The following EPS8 variants were observed in gnomAD, a reference collection of about 807,000 sequenced individuals.
The protein encoded by EPS8 is epidermal growth factor receptor kinase substrate 8.
In EPS8, 42 loss-of-function variants were observed where a neutral mutation model predicts 103.8. The ratio of observed to expected loss-of-function variants is 0.40; its 90% confidence interval spans 0.32 to 0.52. The LOEUF is 0.52. Among genes scored for constraint, EPS8 ranks in the 20% least tolerant of loss-of-function variants. The pLI, the probability that EPS8 is intolerant of heterozygous loss-of-function variation, is 0.40. For synonymous variants in EPS8, 344 were observed against 344.6 expected, an observed-to-expected ratio of 1.00 and a Z score of 0.02; for missense variants, 969 against 1,005.1, an observed-to-expected ratio of 0.96 and a Z score of 0.49.
rs1947166593 is a variant in EPS8, at chr12:15,772,684, CATCT to C, written c.-22+16473_-22+16476del. 6.6e-6 allele frequency among the ~76,000 whole-genome samples: 1 copy of C among 152,156 alleles called. No homozygotes were observed. Among genetic ancestry groups the C allele is most frequent in the African/African-American group, 2.4e-5 (1 of 41,448 alleles). ...CCAAGTAGCAGAGCTTCTGAATCAACATCTAAGTGTAGATGGGTAACAAAGCAGA... is the reference window on the plus strand; with the variant it reads ...CCAAGTAGCAGAGCTTCTGAATCAACAAGTGTAGATGGGTAACAAAGCAGA... On this transcript the variant is annotated intron_variant, in intron 1 of 20. Transcript: ENST00000281172. The surrounding 1 kb of genome is among the most constrained non-coding windows in gnomAD (Gnocchi z 5.0).
chr12:15,623,606 G>C (rs1944896443), intron 19 of EPS8, among the ~76,000 whole-genome samples: 1 of 152,182 alleles, frequency 6.6e-6, no homozygotes, highest in Non-Finnish European at 1.5e-5. Flanking sequence ...CCTGGCAATT[G>C]ACTAACCATT....
rs141603816 is a variant in EPS8 at position 15,695,907 on chromosome 12, G to A, written c.-21-12935C>T. ...GGAGAATCACTTGAGCCCAGGAGGC[G>A]GAGGTTGCAAAAAGAATAAATATGA... On this transcript the variant is annotated intron_variant, in intron 1 of 20. Coordinates refer to ENST00000281172, the MANE Select transcript of EPS8 (RefSeq NM_004447.6). This position sits in a 1 kb window ranked among gnomAD's most constrained non-coding sequence, Gnocchi z 5.0. Among the ~76,000 whole-genome samples, 56 of 152,222 alleles carry A rather than the reference G, an allele frequency of 3.7e-4. 1 individual carries two copies. The East Asian group carries it at 5.4e-3, about 15-fold the overall frequency.
At chr12:15,758,927 T>TA (rs1947014596) in intron 1 of EPS8, among the ~76,000 whole-genome samples, 1 of 152,148 alleles carries the variant, frequency 6.6e-6, no homozygotes, top group East Asian at 1.9e-4. Flanking sequence ...TCAAATACTG[T>TA]AAAATGCTAA....
chr12:15,750,727 A>G (rs573673561), intron 1 of EPS8, among the ~76,000 whole-genome samples: 2 of 152,334 alleles, frequency 1.3e-5, no homozygotes, highest in Admixed American at 6.5e-5. Flanking sequence ...GCTATTATTT[A>G]TATGATACTG....
At chr12:15,672,937 G>A (rs992415117) in intron 3 of EPS8, among the ~76,000 whole-genome samples, 1 of 152,122 alleles carries the variant, frequency 6.6e-6, no homozygotes, top group Admixed American at 6.5e-5. Flanking sequence ...ATGTTCAAAT[G>A]CTTTGTCTTT....
intron 7 of EPS8, among the ~76,000 whole-genome samples, 198 bp from the exon 8 acceptor site, chr12:15,666,090 G>C (rs1945704199): frequency 2.0e-5 from 3 of 152,166 alleles, no homozygotes; most frequent in Admixed American, 2.0e-4. Context: ...TGAAAACTAG[G>C]TTGATTTTCC....
chr12:15,752,173 C>T lies in EPS8; in HGVS notation c.-22+36988G>A, dbSNP rs981582430. Among the ~76,000 whole-genome samples the T allele has an allele frequency of 6.6e-6, 1 of 152,134 alleles. No homozygotes were observed. Among genetic ancestry groups the T allele is most frequent in the African/African-American group, 2.4e-5 (1 of 41,434 alleles). On this transcript the variant is annotated intron_variant, in intron 1 of 20. Coordinates refer to ENST00000281172, the MANE Select transcript of EPS8 (RefSeq NM_004447.6). The surrounding 1 kb of genome is among the most constrained non-coding windows in gnomAD (Gnocchi z 4.4). ...GCTATTAAAATTCCCCTAGGCCGGG[C>T]GTGGTGGCTCACGCCTGTAATCCCA...
chr12:15,734,477 G>C lies in EPS8; in HGVS notation c.-21-51505C>G, dbSNP rs952800120. ...TGGGAGGCTGAGGCGGGTGGATCAC[G>C]AGGTCAGGAGATCGAGACCATCCTG... On this transcript the variant is annotated intron_variant, in intron 1 of 20. Coordinates refer to ENST00000281172, the MANE Select transcript of EPS8 (RefSeq NM_004447.6). The surrounding 1 kb of genome is among the most constrained non-coding windows in gnomAD (Gnocchi z 4.1). Among the ~76,000 whole-genome samples the C allele has an allele frequency of 6.6e-6, 1 of 152,044 alleles. No homozygotes were observed. Among genetic ancestry groups the C allele is most frequent in the African/African-American group, 2.4e-5 (1 of 41,404 alleles).
chr12:15,746,267 T>C (rs1565528130), intron 1 of EPS8, among the ~76,000 whole-genome samples: 1 of 152,176 alleles, frequency 6.6e-6, no homozygotes, highest in Non-Finnish European at 1.5e-5. Flanking sequence ...CTGCTAAATA[T>C]AATTTAACAC....
intron 7 of EPS8, among the ~76,000 whole-genome samples, chr12:15,666,131 T>C (rs1378528464): frequency 1.3e-5 from 2 of 152,222 alleles, no homozygotes; most frequent in Non-Finnish European, 2.9e-5. Flanking sequence ...GAAAGGGCCA[T>C]GGAACAATTA....
chr12:15,638,918 G>A (rs1486411013), intron 17 of EPS8, among the ~76,000 whole-genome samples: 1 of 152,168 alleles, frequency 6.6e-6, no homozygotes, highest in African/African-American at 2.4e-5. Context: ...AGACAAGACT[G>A]AACAGTAAAC....
At chr12:15,765,413 C>A (rs1947083295) in intron 1 of EPS8, among the ~76,000 whole-genome samples, 1 of 151,918 alleles carries the variant, frequency 6.6e-6, no homozygotes, top group Non-Finnish European at 1.5e-5. Flanking sequence ...GATCTTACAG[C>A]AATCAGATGT....
chr12:15,701,309 C>T lies in EPS8; in HGVS notation c.-21-18337G>A, dbSNP rs529760095. The stretch of plus-strand genomic sequence containing the variant: ...AGGTACTACTTTTATCTCTAGTTTA[C>T]AGATGAGGAAACTGGGGCACAGAAG... On this transcript the variant is annotated intron_variant, in intron 1 of 20. Coordinates refer to ENST00000281172, the MANE Select transcript of EPS8 (RefSeq NM_004447.6). The surrounding 1 kb of genome is among the most constrained non-coding windows in gnomAD (Gnocchi z 5.1). 6.6e-6 allele frequency among the ~76,000 whole-genome samples: 1 copy of T among 152,296 alleles called. No homozygotes were observed. Among genetic ancestry groups the T allele is most frequent in the East Asian group, 1.9e-4 (1 of 5,190 alleles).
At position 15,771,195 on chromosome 12, in the gene EPS8, T is replaced by C. The variant is rs1309373618; in HGVS notation, c.-22+17966A>G. Among the ~76,000 whole-genome samples, 1 of 152,170 alleles carries C rather than the reference T, an allele frequency of 6.6e-6. No individual in the cohort carries two copies. Among genetic ancestry groups the C allele is most frequent in the Non-Finnish European group, 1.5e-5 (1 of 68,026 alleles). ...TATATAGAGATAAATTAAAAAGTTA[T>C]TCCAAATATAGACAAGAGGGACACT... On this transcript the variant is annotated intron_variant, in intron 1 of 20. Transcript: ENST00000281172. The surrounding 1 kb of genome is among the most constrained non-coding windows in gnomAD (Gnocchi z 4.6).
intron 6 of EPS8, among the ~76,000 whole-genome samples, chr12:15,667,122 A>G (rs1945727384): frequency 6.6e-6 from 1 of 152,190 alleles, no homozygotes; most frequent in Admixed American, 6.5e-5. Context: ...ATTAGCAGAT[A>G]CGAAGTTTCT....
Position 15,669,754 on chromosome 12 carries a change from T to C in EPS8, c.276A>G (p.Lys92=), listed in dbSNP as rs1945782155. 1.2e-6 allele frequency: 2 copies of C among 1,613,724 alleles called. No individual in the cohort carries two copies. Among genetic ancestry groups the C allele is most frequent in the Non-Finnish European group, 1.7e-6 (2 of 1,179,890 alleles). ...ACACTTTGCCCTTGGCATCAAGCAA[T>C]TTCAATTTCCTTATTCCATCATCAA... ...ITVDDGIRKL[K]LLDAKGKVWT... is the part of the protein sequence containing the mutation. Residue 92 remains lysine, a synonymous_variant, in exon 5 of 21, where the codon AAA becomes AAG. Transcript: ENST00000281172.
chr12:15,721,370 A>AG lies in EPS8; in HGVS notation c.-21-38399dup, dbSNP rs1440265410. Among the ~76,000 whole-genome samples, 5 of 152,210 alleles carry AG rather than the reference A, an allele frequency of 3.3e-5. No individual in the cohort carries two copies. The highest frequency in any genetic ancestry group is 1.2e-4 in the African/African-American group (5 of 41,450). On this transcript the variant is annotated intron_variant, in intron 1 of 20. Coordinates refer to ENST00000281172, the MANE Select transcript of EPS8 (RefSeq NM_004447.6). The surrounding 1 kb of genome is among the most constrained non-coding windows in gnomAD (Gnocchi z 4.4). ...CCAAATAGATTTTTTTAACTCCAGTAGCTCATCTCCAAACTGTTTTCCTAG... is the reference window on the plus strand; with the variant it reads ...CCAAATAGATTTTTTTAACTCCAGTAGGCTCATCTCCAAACTGTTTTCCTAG...
chr12:15,707,992 G>A (rs1198358280), intron 1 of EPS8, among the ~76,000 whole-genome samples: 2 of 152,142 alleles, frequency 1.3e-5, no homozygotes, highest in South Asian at 2.1e-4. Context: ...ATGAGTTCCT[G>A]TTATTGCTCT....
chr12:15,718,239 C>G (rs1946554494), intron 1 of EPS8, among the ~76,000 whole-genome samples: 1 of 152,126 alleles, frequency 6.6e-6, no homozygotes, highest in South Asian at 2.1e-4. Context: ...GAACATTTTC[C>G]TAATTCAAAT....
Sources: gnomAD v4.1 joint callset for allele counts (sites outside exome capture counted in the v4.1 genomes callset) on GRCh38, gnomAD v4.1.1 for gene constraint, Gnocchi (gnomAD v3.1) non-coding constraint, MANE v1.5 for transcripts, NCBI Gene and HGNC (gene_info 2026-07-23, HGNC 2026-07-21) for gene names.